Variants in MATR3 observed in about 807,000 individuals in gnomAD.
MATR3 encodes the protein matrin 3, also known as matrin-3.
A neutral mutation model predicts 85.5 loss-of-function variants in MATR3; 4 were observed. The ratio of observed to expected loss-of-function variants is 0.05; its 90% CI spans 0.02 to 0.11. The LOEUF is 0.11. Among genes scored for constraint, MATR3 ranks in the 10% least tolerant of loss-of-function variants. The probability of loss-of-function intolerance (pLI) is 1.00; values close to 1 mark genes in which losing one functional copy is unlikely to be tolerated. For synonymous variants in MATR3, 336 were observed against 343.1 expected, an observed-to-expected ratio of 0.98 and a Z score of 0.23; for missense variants, 685 against 1,016.1, an observed-to-expected ratio of 0.67 and a Z score of 4.43.
chr5:139,276,827 A>G (rs961269449), intron 2 of MATR3, among the ~76,000 whole-genome samples: 1 of 152,174 alleles, frequency 6.6e-6, no homozygotes, highest in Non-Finnish European at 1.5e-5. Context: ...CACCCTTTGT[A>G]GAGGGATGGA....
chr5:139,317,586 T>C lies in MATR3; in HGVS notation c.1183-10T>C. On this transcript the variant is annotated splice_polypyrimidine_tract_variant and intron_variant, in intron 6 of 14. Transcript: ENST00000394805. ...ACTTAATTGCTTGGTTTTTTTCCCCTAATGGATAGGAAACTAGCAGAGTTG... is the reference window on the plus strand; with the variant it reads ...ACTTAATTGCTTGGTTTTTTTCCCCCAATGGATAGGAAACTAGCAGAGTTG... The C allele has an allele frequency of 6.3e-7, 1 of 1,595,334 alleles. No homozygotes were observed. The highest frequency in any genetic ancestry group is 8.6e-7 in the Non-Finnish European group (1 of 1,166,410).
upstream of MATR3, among the ~76,000 whole-genome samples, chr5:139,293,066 A>T (rs1753935811): frequency 6.6e-6 from 1 of 152,138 alleles, no homozygotes; most frequent in Admixed American, 6.5e-5. Flanking sequence ...AGCCTAGGCA[A>T]AATAACGAGA....
In MATR3 at chr5:139,307,985, T is replaced by C. The variant is rs1754793428; in HGVS notation, c.570T>C (p.Asp190=). ...EKRHFRRDSF[D]DRGPSLNPVL... ...GGCACTTTAGAAGAGATAGTTTTGA[T>C]GATCGTGGTCCTAGTCTCAACCCAG... The change falls in exon 2 of 15, where the codon GAT becomes GAC. Residue 190 remains aspartate (D), a synonymous_variant. Transcript: ENST00000394805. The surrounding 1 kb of genome is among the most constrained non-coding windows in gnomAD (Gnocchi z 4.4). 6.2e-7 allele frequency: 1 copy of C among 1,614,084 alleles called. No individual in the cohort carries two copies. The highest frequency in any genetic ancestry group is 1.7e-5 in the Admixed American group (1 of 60,004).
In MATR3 at chr5:139,322,748, G is replaced by C. The variant is rs553655919; in HGVS notation, c.1929G>C (p.Gln643His). Residue 643 changes from glutamine to histidine, a missense_variant, in exon 12 of 15, where the codon CAG becomes CAC. Around this residue, in one of 9 missense-constraint regions of MATR3, gnomAD observed 215 missense variants for 194.7 expected, o/e 1.10. Coordinates refer to ENST00000394805, the MANE Select transcript of MATR3 (RefSeq NM_018834.6). ...EDGEKDTKDD[Q>H]TEQEPNMLLE... is the part of the protein sequence containing the mutation. ...GTGAGAAAGACACAAAGGATGACCA[G>C]ACAGAGCAGGAACCTAATATGCTTC... The C allele has an allele frequency of 1.2e-6, 2 of 1,614,170 alleles. No homozygotes were observed. The highest frequency in any genetic ancestry group is 3.3e-5 in the Admixed American group (2 of 60,018).
intron 1 of MATR3, among the ~76,000 whole-genome samples, chr5:139,298,379 T>C (rs1262547746): frequency 6.6e-6 from 1 of 152,114 alleles, no homozygotes; most frequent in Non-Finnish European, 1.5e-5. Flanking sequence ...GAGACCAACC[T>C]GGGCAACATA....
In MATR3 at chr5:139,325,556, C is replaced by G; in HGVS notation, c.2265C>G (p.Asn755Lys). 6.2e-7 allele frequency: 1 copy of G among 1,614,162 alleles called. No homozygotes were observed. Among genetic ancestry groups the G allele is most frequent in the Non-Finnish European group, 8.5e-7 (1 of 1,180,026 alleles). ...AESSENADDP[N>K]KDTSENADGQ... ...CTTCTGAGAACGCTGATGATCCCAA[C>G]AAAGATACAAGTGAAAACGCAGATG... Residue 755 changes from asparagine (N) to lysine (K), a missense_variant, in exon 13 of 15, where the codon AAC (asparagine) becomes AAG (lysine). Transcript: ENST00000394805.
At chr5:139,282,357 T>A (rs552547855) in intron 3 of MATR3, among the ~76,000 whole-genome samples, 1 of 152,318 alleles carries the variant, frequency 6.6e-6, no homozygotes, top group South Asian at 2.1e-4. Flanking sequence ...AGTCATAAAT[T>A]TGTCAGTTTA....
At chr5:139,317,418 CAGAA>C (rs1755307522) in intron 6 of MATR3, among the ~76,000 whole-genome samples, 174 bp from the exon 7 acceptor site, 1 of 152,158 alleles carries the variant, frequency 6.6e-6, no homozygotes, top group African/African-American at 2.4e-5. Flanking sequence ...TGGTTATGGT[CAGAA>C]AGAACTTACC....
At chr5:139,290,438 CTTTTTT>C (rs762364450), upstream of MATR3, among the ~76,000 whole-genome samples, 31 of 44,974 alleles carry the variant, frequency 6.9e-4, no homozygotes, top group South Asian at 1.7e-3. Context: ...CCTGGCCGCT[CTTTTTT>C]TTTTTTTTTT....
chr5:139,315,648 G>A (rs1409228396), intron 3 of MATR3, 49 bp from the exon 4 acceptor site: 2 of 1,292,990 alleles, frequency 1.5e-6, no homozygotes, highest in Admixed American at 1.7e-5. Context: ...AGGCTGTTTT[G>A]TGAAAAGGAC....
At chr5:139,311,281 A>G (rs1201008300) in intron 2 of MATR3, 1 of 152,200 alleles carries the variant, frequency 6.6e-6, no homozygotes, top group Admixed American at 6.5e-5. Flanking sequence ...CAGATACATC[A>G]AGGTGAATGT....
intron 1 of MATR3, among the ~76,000 whole-genome samples, chr5:139,302,428 T>C (rs1754497288): frequency 6.6e-6 from 1 of 152,344 alleles, no homozygotes; most frequent in African/African-American, 2.4e-5. Flanking sequence ...GAAATAATTG[T>C]TACAAAATAT....
In MATR3 at chr5:139,322,061, A is replaced by C. The variant is rs73255239; in HGVS notation, c.1734+32A>C. 3.5e-3 allele frequency: 5,597 copies of C among 1,610,710 alleles called. 176 individuals carry two copies. The African/African-American group carries it at 0.065, about 19-fold the overall frequency. ...AGTATTTGATTTGTCATCATTTAACAGCTTGTTTTTACATATTTAAAGCCA... is the reference window on the plus strand; with the variant it reads ...AGTATTTGATTTGTCATCATTTAACCGCTTGTTTTTACATATTTAAAGCCA... On this transcript the variant is annotated intron_variant, in intron 10 of 14. Coordinates refer to ENST00000394805, the MANE Select transcript of MATR3 (RefSeq NM_018834.6).
At chr5:139,322,387 G>A in intron 10 of MATR3, 76 bp from the exon 11 acceptor site, 1 of 1,316,450 alleles carries the variant, frequency 7.6e-7, no homozygotes, top group Non-Finnish European at 1.1e-6. Flanking sequence ...TATAGGGATT[G>A]TCTCCAATTA....
intron 2 of MATR3, chr5:139,278,268 A>G (rs1256279028): frequency 2.2e-6 from 1 of 452,318 alleles, no homozygotes. Context: ...CACACAATGC[A>G]TTGCTATTTA....
Position 139,330,920 on chromosome 5 carries a change from A to G in MATR3, c.*1525A>G, listed in dbSNP as rs1459977039. 2.2e-6 allele frequency: 1 copy of G among 453,892 alleles called. No homozygotes were observed. The highest frequency in any genetic ancestry group is 4.4e-6 in the Non-Finnish European group (1 of 226,808). 28.1% of individuals were successfully genotyped at this position (453,892 alleles called of 1,614,324 possible). A position where few individuals can be genotyped will look rare whatever the true frequency, so the allele number is the denominator to read the frequency against. On this transcript the variant is annotated 3_prime_UTR_variant, in exon 15 of 15. Transcript: ENST00000394805. ...ACCCTCCTACCTCAGTCTCCTGAGT[A>G]GCTGGGACTACAGGCTCATGCCACT...
intron 1 of MATR3, among the ~76,000 whole-genome samples, chr5:139,304,586 AG>A (rs1175080882): frequency 4.0e-5 from 6 of 151,750 alleles, no homozygotes; most frequent in Non-Finnish European, 7.4e-5. Flanking sequence ...GATAGTTTTT[AG>A]GGGGGTGCAG....
intron 3 of MATR3, among the ~76,000 whole-genome samples, chr5:139,281,726 T>A (rs1205993650): frequency 6.6e-6 from 1 of 152,152 alleles, no homozygotes; most frequent in Non-Finnish European, 1.5e-5. Context: ...GTTACTGGTC[T>A]GTAAATACCC....
intron 8 of MATR3, 50 bp downstream of exon 8, chr5:139,319,083 A>G (rs967454268): frequency 1.3e-6 from 2 of 1,560,932 alleles, no homozygotes; most frequent in Non-Finnish European, 8.8e-7. Flanking sequence ...AATGATTTTA[A>G]TAGTTATTAA....
Sources: allele counts gnomAD v4.1 joint callset (sites outside exome capture counted in the v4.1 genomes callset), GRCh38; gene constraint gnomAD v4.1.1; regional missense constraint gnomAD v4.1.1; non-coding constraint Gnocchi (gnomAD v3.1); transcripts MANE v1.5; gene names NCBI Gene and HGNC (gene_info 2026-07-23, HGNC 2026-07-21).